The following PRKCB variants were observed in gnomAD, a reference collection of about 807,000 sequenced individuals.
The protein encoded by PRKCB is protein kinase C beta type.
In PRKCB, 13 loss-of-function variants were observed where a neutral mutation model predicts 81.5. That is an observed-to-expected ratio of 0.16 (90% confidence interval 0.10 to 0.25). PRKCB has a LOEUF of 0.25. Ranked by LOEUF, PRKCB falls within the 10% of genes least tolerant of loss-of-function variation. PRKCB has a pLI of 1.00. For missense variants in PRKCB, 509 were observed against 875.7 expected, an observed-to-expected ratio of 0.58 and a Z score of 5.29; for synonymous variants, 335 against 321.4, an observed-to-expected ratio of 1.04 and a Z score of -0.45.
intron 9 of PRKCB, among the ~76,000 whole-genome samples, chr16:24,153,854 A>C (rs1198227243): frequency 6.6e-6 from 1 of 152,250 alleles, no homozygotes; most frequent in Admixed American, 6.5e-5. Context: ...GGGTCAGAGA[A>C]CGTGCTTGTT....
chr16:23,892,015 A>G (rs960582924), intron 2 of PRKCB, among the ~76,000 whole-genome samples: 1 of 152,158 alleles, frequency 6.6e-6, no homozygotes, highest in South Asian at 2.1e-4. Flanking sequence ...GAGCTGTATC[A>G]CCAACAGCTT....
intron 2 of PRKCB, among the ~76,000 whole-genome samples, chr16:23,890,125 T>C (rs1176115715): frequency 6.6e-6 from 1 of 152,164 alleles, no homozygotes; most frequent in Non-Finnish European, 1.5e-5. Flanking sequence ...TTTTAGTAGG[T>C]CCTATTGAAC....
intron 2 of PRKCB, among the ~76,000 whole-genome samples, chr16:23,861,690 G>A (rs996115305): frequency 6.6e-6 from 1 of 152,178 alleles, no homozygotes; most frequent in African/African-American, 2.4e-5. Flanking sequence ...AGGGGACATA[G>A]GACAAAGGAT....
intron 12 of PRKCB, among the ~76,000 whole-genome samples, 177 bp from the exon 13 acceptor site, chr16:24,180,613 G>A (rs1022726280): frequency 7.2e-5 from 11 of 152,108 alleles, no homozygotes; most frequent in Admixed American, 1.3e-4. Context: ...GGAGGCTTGC[G>A]GACCTCTTTT....
chr16:24,049,273 A>G (rs1965809282), intron 5 of PRKCB, among the ~76,000 whole-genome samples: 1 of 151,476 alleles, frequency 6.6e-6, no homozygotes, highest in Non-Finnish European at 1.5e-5. Flanking sequence ...CACATCCGGG[A>G]CCTGCACCCT....
intron 5 of PRKCB, among the ~76,000 whole-genome samples, chr16:24,037,550 A>G (rs558808944): frequency 6.6e-6 from 1 of 152,294 alleles, no homozygotes; most frequent in South Asian, 2.1e-4. Context: ...ACTATATAGT[A>G]GGTTACTTTT....
intron 2 of PRKCB, among the ~76,000 whole-genome samples, chr16:23,971,018 A>G (rs906046903): frequency 1.3e-5 from 2 of 152,194 alleles, no homozygotes; most frequent in Non-Finnish European, 2.9e-5. Context: ...CATAAATGGA[A>G]TGTGGGGATT....
intron 2 of PRKCB, among the ~76,000 whole-genome samples, chr16:23,877,342 A>T (rs150407801): frequency 6.6e-6 from 1 of 152,312 alleles, no homozygotes; most frequent in East Asian, 1.9e-4. Flanking sequence ...GTCTCTTAAA[A>T]AACAAATGCT....
intron 5 of PRKCB, among the ~76,000 whole-genome samples, chr16:24,070,406 C>T (rs1966093346): frequency 6.6e-6 from 1 of 152,148 alleles, no homozygotes; most frequent in South Asian, 2.1e-4. Flanking sequence ...GCCTCAGCCT[C>T]CCAAAATGCT....
chr16:24,219,689 C>T lies in PRKCB; in HGVS notation c.*4873C>T, dbSNP rs1038613062. On this transcript the variant is annotated 3_prime_UTR_variant, in exon 17 of 17. Coordinates refer to ENST00000643927, the MANE Select transcript of PRKCB (RefSeq NM_002738.7). ...ACACACACACACACACACACACACA[C>T]ACACACACACACACCACTTTATGGC... The T allele has an allele frequency of 7.8e-7, 1 of 1,276,818 alleles. No homozygotes were observed. Among genetic ancestry groups the T allele is most frequent in the African/African-American group, 1.6e-5 (1 of 60,976 alleles). 79.1% of individuals were successfully genotyped at this position (1,276,818 alleles called of 1,614,324 possible).
chr16:24,047,613 T>C (rs956262167), intron 5 of PRKCB, among the ~76,000 whole-genome samples: 15 of 152,046 alleles, frequency 9.9e-5, no homozygotes, highest in Admixed American at 5.2e-4. Flanking sequence ...ATTTGTACCC[T>C]GGGTCCATCT....
intron 5 of PRKCB, among the ~76,000 whole-genome samples, chr16:24,041,780 G>A (rs1243798892): frequency 6.6e-6 from 1 of 151,948 alleles, no homozygotes; most frequent in African/African-American, 2.4e-5. Context: ...ATCACCTACA[G>A]TCAGGAGTTC....
In PRKCB at chr16:23,915,689, C is replaced by CA. The variant is rs71154259; in HGVS notation, c.206-72796dup. On this transcript the variant is annotated intron_variant, in intron 2 of 16. Coordinates refer to ENST00000643927, the MANE Select transcript of PRKCB (RefSeq NM_002738.7). ...CCTGGGCAAGAGTGAGACTCTCTAT[C>CA]AAAAAAAAAAAAAAAAAAAAAAAGC... 7.3e-3 allele frequency among the ~76,000 whole-genome samples: 400 copies of CA among 54,524 alleles called. 40 individuals carry two copies. Among genetic ancestry groups the CA allele is most frequent in the East Asian group, 0.012 (17 of 1,442 alleles). 35.8% of individuals were successfully genotyped at this position (54,524 alleles called of 152,430 possible).
chr16:24,023,916 G>C (rs1329886380), intron 3 of PRKCB, among the ~76,000 whole-genome samples: 1 of 152,156 alleles, frequency 6.6e-6, no homozygotes, highest in South Asian at 2.1e-4. Context: ...GGCAGTCCCT[G>C]AGCCAAGGCA....
intron 2 of PRKCB, among the ~76,000 whole-genome samples, chr16:23,865,557 GTGTGTGTGTGTGTA>G (rs1162015260): frequency 0.4 from 12,671 of 31,492 alleles, 2,705 homozygotes; most frequent in East Asian, 0.55. Flanking sequence ...GTGTGTGTGT[GTGTGTGTGTGTGTA>G]TATGTATATT....
chr16:24,153,983 C>T (rs370627), intron 9 of PRKCB, among the ~76,000 whole-genome samples: 55,267 of 152,050 alleles, frequency 0.36, 10,418 homozygotes, highest in South Asian at 0.47. Flanking sequence ...TTCTGTCATT[C>T]AACAAACATT....
chr16:23,875,681 A>G lies in PRKCB; in HGVS notation c.205+38275A>G, dbSNP rs1340972740. 9.1e-5 allele frequency among the ~76,000 whole-genome samples: 13 copies of G among 142,688 alleles called. 1 individual carries two copies. Among genetic ancestry groups the G allele is most frequent in the African/African-American group, 3.1e-4 (12 of 38,646 alleles). The allele number at this position is 142,688 out of a possible 152,430, so 93.6% of individuals were successfully genotyped here. On this transcript the variant is annotated intron_variant, in intron 2 of 16. Transcript: ENST00000643927. Reference sequence around the variant, plus strand: ...ACACATATATATGTATGTATATCACACACATATATGTATGTATATCACACA... The same window carrying G: ...ACACATATATATGTATGTATATCACGCACATATATGTATGTATATCACACA...
At chr16:23,981,255 G>A (rs949315940) in intron 2 of PRKCB, among the ~76,000 whole-genome samples, 5 of 151,950 alleles carry the variant, frequency 3.3e-5, no homozygotes, top group East Asian at 3.9e-4. Context: ...CTTGGCTTGC[G>A]TTCCCTTCCA....
intron 2 of PRKCB, among the ~76,000 whole-genome samples, chr16:23,970,264 G>A (rs1322056763): frequency 6.6e-6 from 1 of 150,586 alleles, no homozygotes; most frequent in African/African-American, 2.4e-5. Flanking sequence ...GCACCAAAGG[G>A]TAGTAACACT....
Sources: allele counts gnomAD v4.1 joint callset (sites outside exome capture counted in the v4.1 genomes callset), GRCh38; gene constraint gnomAD v4.1.1; transcripts MANE v1.5; gene names NCBI Gene and HGNC (gene_info 2026-07-23, HGNC 2026-07-21).